STAU2: variants seen among roughly 807,000 people sequenced by gnomAD.
STAU2 encodes the protein double-stranded RNA-binding protein Staufen homolog 2.
STAU2 carries 20 observed loss-of-function variants against 65.9 expected under a neutral mutation model. The observed-to-expected ratio is 0.30, with a 90% CI of 0.21 to 0.44. STAU2 has a LOEUF of 0.44. Ranked by LOEUF, STAU2 falls within the 20% of genes least tolerant of loss-of-function variation. The pLI is 1.00. For synonymous variants in STAU2, 232 were observed against 233.9 expected, an observed-to-expected ratio of 0.99 and a Z score of 0.07; for missense variants, 558 against 683.9, an observed-to-expected ratio of 0.82 and a Z score of 2.05.
intron 13 of STAU2, among the ~76,000 whole-genome samples, chr8:73,437,967 T>C (rs1433151887): frequency 6.6e-6 from 1 of 152,152 alleles, no homozygotes; most frequent in African/African-American, 2.4e-5. Flanking sequence ...GCTGGGCTCC[T>C]TTCTGTCCCT....
intron 13 of STAU2, among the ~76,000 whole-genome samples, chr8:73,472,651 A>C (rs1407121248): frequency 6.6e-6 from 1 of 152,172 alleles, no homozygotes; most frequent in Non-Finnish European, 1.5e-5. Context: ...ATATAGTACA[A>C]ACTTCAAAGA....
Position 73,436,500 on chromosome 8 carries a change from C to T in STAU2, c.1531-13798G>A, listed in dbSNP as rs974959567. 7.2e-5 allele frequency among the ~76,000 whole-genome samples: 11 copies of T among 151,816 alleles called. 1 individual carries two copies. The South Asian group carries it at 1.9e-3, about 26-fold the overall frequency. On this transcript the variant is annotated intron_variant, in intron 13 of 14. Transcript: ENST00000524300. ...AAAGTTCTAAACCTTTGCAAAAGTA[C>T]AAAGGATAATAATACACTGAAGCTC...
At chr8:73,505,887 G>T (rs1378622010) in intron 13 of STAU2, among the ~76,000 whole-genome samples, 8 of 152,030 alleles carry the variant, frequency 5.3e-5, no homozygotes, top group African/African-American at 1.7e-4. Context: ...TTGGTGATAA[G>T]TGAGTTCTCA....
At chr8:73,717,679 GCT>G (rs1373250195) in intron 3 of STAU2, among the ~76,000 whole-genome samples, 3 of 151,770 alleles carry the variant, frequency 2.0e-5, no homozygotes, top group African/African-American at 7.3e-5. Context: ...ACGGAGTCTC[GCT>G]CTGTCGCCCA....
intron 13 of STAU2, among the ~76,000 whole-genome samples, chr8:73,434,891 C>T (rs1186875042): frequency 6.6e-6 from 1 of 151,948 alleles, no homozygotes; most frequent in Non-Finnish European, 1.5e-5. Flanking sequence ...ATTAATAACT[C>T]CCGCCCCTAG....
intron 6 of STAU2, among the ~76,000 whole-genome samples, chr8:73,644,697 C>T (rs2130160926): frequency 6.6e-6 from 1 of 152,134 alleles, no homozygotes; most frequent in Non-Finnish European, 1.5e-5. Context: ...TGACAAACTT[C>T]CAGCAACACT....
chr8:73,730,747 A>G (rs932994057), intron 3 of STAU2, among the ~76,000 whole-genome samples: 1 of 151,432 alleles, frequency 6.6e-6, no homozygotes, highest in Non-Finnish European at 1.5e-5. Flanking sequence ...AAAAAAAAAA[A>G]AGACAAAAAA....
intron 4 of STAU2, among the ~76,000 whole-genome samples, chr8:73,699,311 G>T (rs1819910607): frequency 6.6e-6 from 1 of 151,672 alleles, no homozygotes; most frequent in African/African-American, 2.4e-5. Flanking sequence ...TAGAAGAAAA[G>T]AAATAATAAA....
intron 13 of STAU2, among the ~76,000 whole-genome samples, chr8:73,515,156 A>C (rs1822634071): frequency 1.3e-5 from 2 of 152,210 alleles, no homozygotes; most frequent in Non-Finnish European, 2.9e-5. Flanking sequence ...AAATAAAATT[A>C]GAAAAGAAAA....
At chr8:73,528,211 C>A (rs1007818592) in intron 13 of STAU2, among the ~76,000 whole-genome samples, 1 of 152,180 alleles carries the variant, frequency 6.6e-6, no homozygotes, top group Non-Finnish European at 1.5e-5. Context: ...GTGACTGCCA[C>A]ATAATTGGTA....
rs1166117363 is a variant in STAU2, at chr8:73,587,110, A to G, written c.1162-4280T>C. Among the ~76,000 whole-genome samples the G allele has an allele frequency of 3.9e-5, 6 of 152,310 alleles. No homozygotes were observed. In the East Asian group the frequency reaches 9.6e-4, roughly 24 times the overall value. On this transcript the variant is annotated intron_variant, in intron 11 of 14. Coordinates refer to ENST00000524300, the MANE Select transcript of STAU2 (RefSeq NM_001164380.2). ...GAAGAGAAGGGTAAAAGTTTCATAT[A>G]CAGGCTGAAGAATCAGGTGTTGAAA...
intron 13 of STAU2, among the ~76,000 whole-genome samples, chr8:73,496,855 A>C (rs932932967): frequency 6.6e-6 from 1 of 151,704 alleles, no homozygotes; most frequent in Non-Finnish European, 1.5e-5. Context: ...CAAATGCTCA[A>C]TAGCCACATG....
intron 13 of STAU2, among the ~76,000 whole-genome samples, chr8:73,507,929 C>G (rs1482153563): frequency 1.3e-5 from 2 of 152,196 alleles, no homozygotes; most frequent in Non-Finnish European, 2.9e-5. Context: ...TTCTTCTCTT[C>G]TGCAGCTTTC....
intron 6 of STAU2, among the ~76,000 whole-genome samples, chr8:73,649,099 G>T (rs534360393): frequency 6.6e-6 from 1 of 152,246 alleles, no homozygotes; most frequent in East Asian, 1.9e-4. Flanking sequence ...CCTCCAATAA[G>T]AGCTTTTTGA....
intron 12 of STAU2, among the ~76,000 whole-genome samples, chr8:73,556,205 C>A (rs1807753189): frequency 6.6e-6 from 1 of 152,036 alleles, no homozygotes; most frequent in Non-Finnish European, 1.5e-5. Flanking sequence ...TTTCTTAAAA[C>A]AATTCCATAT....
At chr8:73,493,929 G>A (rs4738375) in intron 13 of STAU2, among the ~76,000 whole-genome samples, 4,624 of 151,838 alleles carry the variant, frequency 0.03, 230 homozygotes, top group Admixed American at 0.13. Context: ...TGGATACACA[G>A]AACAGGGCTG....
At chr8:73,481,886 G>C (rs1020840115) in intron 13 of STAU2, among the ~76,000 whole-genome samples, 1 of 152,074 alleles carries the variant, frequency 6.6e-6, no homozygotes, top group Non-Finnish European at 1.5e-5. Flanking sequence ...CAGCGCTTTT[G>C]TTTTCCTTTA....
intron 13 of STAU2, among the ~76,000 whole-genome samples, chr8:73,453,662 A>G (rs895994833): frequency 4.6e-5 from 7 of 152,242 alleles, no homozygotes; most frequent in African/African-American, 1.2e-4. Flanking sequence ...ACCTCTTTTT[A>G]GAGCACAGAA....
chr8:73,725,365 T>C (rs1805551570), intron 3 of STAU2, among the ~76,000 whole-genome samples: 1 of 152,258 alleles, frequency 6.6e-6, no homozygotes, highest in African/African-American at 2.4e-5. Flanking sequence ...TTCCACTTCA[T>C]GTTTGATATC....
Sources: gnomAD v4.1 joint callset for allele counts (sites outside exome capture counted in the v4.1 genomes callset) on GRCh38, gnomAD v4.1.1 for gene constraint, MANE v1.5 for transcripts, NCBI Gene and HGNC (gene_info 2026-07-23, HGNC 2026-07-21) for gene names.